The following TMEM163 variants were observed in gnomAD, a reference collection of about 807,000 sequenced individuals.
TMEM163 encodes the protein transmembrane protein 163.
TMEM163 carries 17 observed loss-of-function variants against 29.3 expected under a neutral mutation model. That is an observed-to-expected ratio of 0.58 (90% CI 0.40 to 0.87). TMEM163 has a LOEUF of 0.87. Among genes scored for constraint, TMEM163 ranks in the 40% least tolerant of loss-of-function variants. The probability of loss-of-function intolerance (pLI) is 0.00; values close to 1 mark genes in which losing one functional copy is unlikely to be tolerated. For missense variants in TMEM163, 303 were observed against 381.5 expected (o/e 0.79, Z 1.71); for synonymous variants, 157 against 160.6 (o/e 0.98, Z 0.17).
intron 2 of TMEM163, among the ~76,000 whole-genome samples, chr2:134,655,946 T>C (rs917151494): frequency 5.5e-5 from 8 of 144,624 alleles, no homozygotes; most frequent in Non-Finnish European, 1.0e-4. Context: ...CACTGCTCTC[T>C]TCAAAGCTGT....
At chr2:134,661,920 A>ATTTTATTTTTT (rs1683759735) in intron 2 of TMEM163, among the ~76,000 whole-genome samples, 1 of 110,090 alleles carries the variant, frequency 9.1e-6, no homozygotes, top group Non-Finnish European at 1.9e-5. Context: ...GGATTCATTA[A>ATTTTATTTTTT]TTTTCTTTCT....
chr2:134,515,042 T>C (rs927995177), intron 4 of TMEM163, among the ~76,000 whole-genome samples: 1 of 152,206 alleles, frequency 6.6e-6, no homozygotes, highest in Non-Finnish European at 1.5e-5. Context: ...AGCTGACAGA[T>C]AGAAGATTCT....
intron 5 of TMEM163, among the ~76,000 whole-genome samples, chr2:134,472,808 T>C (rs1394060242): frequency 6.6e-6 from 1 of 152,244 alleles, no homozygotes; most frequent in Non-Finnish European, 1.5e-5. Flanking sequence ...TTAAATGTAA[T>C]ATTAATGTAG....
At chr2:134,554,481 A>C (rs948847962) in intron 2 of TMEM163, among the ~76,000 whole-genome samples, 1 of 149,100 alleles carries the variant, frequency 6.7e-6, no homozygotes, top group Admixed American at 6.7e-5. Context: ...CCGGGCTCCC[A>C]GTCTGTCTCC....
chr2:134,698,148 C>T (rs1684620559), intron 2 of TMEM163, among the ~76,000 whole-genome samples: 1 of 152,322 alleles, frequency 6.6e-6, no homozygotes, highest in Admixed American at 6.5e-5. Flanking sequence ...TTCTTGCCCT[C>T]CACCCAGTAG....
chr2:134,459,147 C>T (rs973804087), intron 6 of TMEM163: 8 of 152,244 alleles, frequency 5.3e-5, no homozygotes, highest in Admixed American at 2.6e-4. Flanking sequence ...TGTGCAGGCC[C>T]GTAACCTCCC....
intron 2 of TMEM163, among the ~76,000 whole-genome samples, chr2:134,620,129 A>C (rs58620777): frequency 0.095 from 14,515 of 152,164 alleles, 798 homozygotes; most frequent in South Asian, 0.16. Context: ...AGGTTTACTT[A>C]TTTATTTATT....
At chr2:134,581,603 C>G (rs1474089415) in intron 2 of TMEM163, among the ~76,000 whole-genome samples, 3 of 151,634 alleles carry the variant, frequency 2.0e-5, no homozygotes, top group Non-Finnish European at 4.4e-5. Flanking sequence ...CTTACAGGAG[C>G]TGGGAACATT....
chr2:134,475,488 GATTA>G (rs1309677978), intron 5 of TMEM163, among the ~76,000 whole-genome samples: 2 of 152,018 alleles, frequency 1.3e-5, no homozygotes, highest in African/African-American at 4.8e-5. Flanking sequence ...AGAAAACTGT[GATTA>G]ATTAGACTTT....
intron 5 of TMEM163, among the ~76,000 whole-genome samples, chr2:134,498,219 C>T (rs1277294185): frequency 6.6e-6 from 1 of 152,152 alleles, no homozygotes; most frequent in Admixed American, 6.5e-5. Flanking sequence ...GATGCGGCCA[C>T]GCCCAAGCCC....
intron 2 of TMEM163, among the ~76,000 whole-genome samples, chr2:134,665,318 C>T (rs1329040386): frequency 6.6e-6 from 1 of 152,164 alleles, no homozygotes; most frequent in Non-Finnish European, 1.5e-5. Context: ...GCATGTCTTA[C>T]ATAGTGGCAG....
At chr2:134,470,196 A>C (rs932364256) in intron 5 of TMEM163, among the ~76,000 whole-genome samples, 2 of 151,978 alleles carry the variant, frequency 1.3e-5, no homozygotes, top group Non-Finnish European at 2.9e-5. Flanking sequence ...TCTCTACTAA[A>C]AATACAAAAA....
At chr2:134,535,288 C>T (rs991693348) in intron 4 of TMEM163, among the ~76,000 whole-genome samples, 2 of 152,166 alleles carry the variant, frequency 1.3e-5, no homozygotes, top group African/African-American at 4.8e-5. Flanking sequence ...ACACACAGAG[C>T]AAGCACTTTC....
chr2:134,694,752 T>C (rs888648871), intron 2 of TMEM163, among the ~76,000 whole-genome samples: 1 of 152,262 alleles, frequency 6.6e-6, no homozygotes, highest in Non-Finnish European at 1.5e-5. Context: ...ACACACATTA[T>C]TCTTTAAAAA....
At chr2:134,560,986 C>T (rs1240731259) in intron 2 of TMEM163, among the ~76,000 whole-genome samples, 2 of 152,232 alleles carry the variant, frequency 1.3e-5, no homozygotes, top group Admixed American at 6.5e-5. Flanking sequence ...GACAAAACTT[C>T]CTCAACACCA....
chr2:134,470,009 C>T (rs1180669230), intron 5 of TMEM163: 1 of 152,432 alleles, frequency 6.6e-6, no homozygotes, highest in Non-Finnish European at 1.5e-5. Flanking sequence ...CTGCCACAAA[C>T]CCCTATTCTG....
At chr2:134,667,664 G>A (rs1683897855) in intron 2 of TMEM163, among the ~76,000 whole-genome samples, 2 of 152,114 alleles carry the variant, frequency 1.3e-5, no homozygotes, top group African/African-American at 4.8e-5. Flanking sequence ...ATATGTAACC[G>A]CTTCTAAAAG....
chr2:134,504,451 C>CA (rs1362478260), intron 4 of TMEM163, among the ~76,000 whole-genome samples: 80 of 141,868 alleles, frequency 5.6e-4, no homozygotes, highest in African/African-American at 1.6e-3. Context: ...ACAGGCTCTG[C>CA]AAAAAAAAAT....
At chr2:134,713,162 A>G in intron 2 of TMEM163, 38 bp downstream of exon 2, 1 of 1,605,382 alleles carries the variant, frequency 6.2e-7, no homozygotes, top group South Asian at 1.1e-5. Context: ...AACGGGCAAC[A>G]GCAGCACATA....
Sources: allele counts gnomAD v4.1 joint callset (sites outside exome capture counted in the v4.1 genomes callset), GRCh38; gene constraint gnomAD v4.1.1; transcripts MANE v1.5; gene names NCBI Gene and HGNC (gene_info 2026-07-23, HGNC 2026-07-21).